The following PHLDB2 variants were observed in gnomAD, a reference collection of about 807,000 sequenced individuals.
PHLDB2 encodes pleckstrin homology-like domain family B member 2.
In PHLDB2, 71 loss-of-function variants were observed where a neutral mutation model predicts 123.6. The ratio of observed to expected loss-of-function variants is 0.57; its 90% CI spans 0.47 to 0.70. The LOEUF (loss-of-function observed/expected upper bound fraction) is 0.70, where lower values mean the gene tolerates loss of function less well. PHLDB2 is among the 30% of genes least tolerant of loss of function. The pLI is 0.00. For synonymous variants in PHLDB2, 547 were observed against 541.6 expected (o/e 1.01, Z -0.14); for missense variants, 1,446 against 1,519.5 (o/e 0.95, Z 0.80).
chr3:111,850,431 T>C (rs972433874), intron 2 of PHLDB2, among the ~76,000 whole-genome samples: 1 of 152,188 alleles, frequency 6.6e-6, no homozygotes, highest in Non-Finnish European at 1.5e-5. Context: ...AATCTACTTG[T>C]ACCTAAAAAG....
intron 1 of PHLDB2, among the ~76,000 whole-genome samples, chr3:111,861,129 GA>G (rs1161543217): frequency 6.6e-6 from 1 of 152,198 alleles, no homozygotes; most frequent in African/African-American, 2.4e-5. Context: ...GTTAGCAACA[GA>G]ACTGTCGGAT....
chr3:111,739,917 T>C (rs2059574979), intron 1 of PHLDB2, among the ~76,000 whole-genome samples: 1 of 152,114 alleles, frequency 6.6e-6, no homozygotes, highest in African/African-American at 2.4e-5. Context: ...GTCCTCAAGA[T>C]GACTAGCAGA....
At chr3:111,953,620 C>G (rs568133874) in intron 11 of PHLDB2, among the ~76,000 whole-genome samples, 19 of 152,164 alleles carry the variant, frequency 1.2e-4, no homozygotes, top group African/African-American at 4.6e-4. Flanking sequence ...TGCATCTGCC[C>G]TCTGCTCCTT....
At chr3:111,822,295 A>ATG (rs35687126) in intron 1 of PHLDB2, among the ~76,000 whole-genome samples, 72,030 of 143,932 alleles carry the variant, frequency 0.5, 18,527 homozygotes, top group Middle Eastern at 0.7. Flanking sequence ...ATCTTTATGT[A>ATG]TGTGTGTGTG....
At chr3:111,948,246 C>CGT (rs561953059) in intron 9 of PHLDB2, among the ~76,000 whole-genome samples, 5,598 of 149,328 alleles carry the variant, frequency 0.037, 167 homozygotes, top group South Asian at 0.14. Context: ...CTTAGGACTC[C>CGT]GTGTGTGTGT....
chr3:111,827,685 CAAAAAAAA>C (rs565813163), intron 1 of PHLDB2, among the ~76,000 whole-genome samples: 6,707 of 73,406 alleles, frequency 0.091, 254 homozygotes, highest in African/African-American at 0.14. Context: ...GAATCCGTCT[CAAAAAAAA>C]AAAAAAAAAA....
intron 9 of PHLDB2, among the ~76,000 whole-genome samples, chr3:111,945,882 A>C (rs1300486260): frequency 1.3e-5 from 2 of 152,086 alleles, no homozygotes; most frequent in Non-Finnish European, 2.9e-5. Flanking sequence ...TTTACAGTAA[A>C]CTGTACATAC....
At chr3:111,855,419 TCC>T (rs2064440259), upstream of PHLDB2, among the ~76,000 whole-genome samples, 1 of 151,450 alleles carries the variant, frequency 6.6e-6, no homozygotes, top group South Asian at 2.1e-4. Context: ...CTTCCTTCCT[TCC>T]TTTCTTTCTT....
chr3:111,835,546 G>A (rs964153289), intron 1 of PHLDB2, among the ~76,000 whole-genome samples: 5 of 152,088 alleles, frequency 3.3e-5, no homozygotes, highest in African/African-American at 9.7e-5. Flanking sequence ...TCCCACTGTC[G>A]ATTGCAGTGT....
rs1173975848 is a variant in PHLDB2, at chr3:111,895,821, C to A, written c.1335+10409C>A. ...CCGAGATCGAGCCATTGCAGTCTGG[C>A]GTGGGCAAAAGAGTGAAACTCAGTC... On this transcript the variant is annotated intron_variant, in intron 2 of 17. Transcript: ENST00000431670. Among the ~76,000 whole-genome samples, 4 of 151,064 alleles carry A rather than the reference C, an allele frequency of 2.6e-5. No homozygotes were observed. In the East Asian group the frequency reaches 7.8e-4, roughly 30 times the overall value.
chr3:111,775,447 C>T (rs745629169), intron 1 of PHLDB2, among the ~76,000 whole-genome samples: 14 of 152,090 alleles, frequency 9.2e-5, no homozygotes, highest in South Asian at 4.1e-4. Context: ...ATGCAGAGCA[C>T]GTATGCTGCA....
chr3:111,955,163 C>A (rs113424645), intron 12 of PHLDB2, among the ~76,000 whole-genome samples: 44,879 of 115,958 alleles, frequency 0.39, 7,531 homozygotes, highest in African/African-American at 0.5. Flanking sequence ...ATATATATCT[C>A]TCACTGGAAC....
At chr3:111,933,686 T>C (rs190415637) in intron 6 of PHLDB2, among the ~76,000 whole-genome samples, 47 of 152,336 alleles carry the variant, frequency 3.1e-4, no homozygotes, top group African/African-American at 1.0e-3. Flanking sequence ...AATTTTATGA[T>C]AAAAATGATT....
intron 1 of PHLDB2, among the ~76,000 whole-genome samples, chr3:111,771,583 C>T (rs567206623): frequency 1.5e-4 from 23 of 152,252 alleles, no homozygotes; most frequent in South Asian, 2.1e-4. Context: ...TCAAGTAGTC[C>T]GCCTGCCTCA....
chr3:111,859,495 A>G lies in PHLDB2; in HGVS notation c.-96A>G. ...ACCATTGCGGCCCGAGGGGGACCCG[A>G]CGGGGGCCCGACGGTGTGGCGTGGC... On this transcript the variant is annotated 5_prime_UTR_variant, in exon 1 of 18. Transcript: ENST00000431670. The G allele has an allele frequency of 1.0e-6, 1 of 985,558 alleles. No individual in the cohort carries two copies. Among genetic ancestry groups the G allele is most frequent in the Non-Finnish European group, 1.2e-6 (1 of 830,030 alleles). 61.1% of individuals were successfully genotyped at this position (985,558 alleles called of 1,614,324 possible). A position where few individuals can be genotyped will look rare whatever the true frequency, so the allele number is the denominator to read the frequency against.
chr3:111,823,395 C>T (rs2062498490), intron 1 of PHLDB2, among the ~76,000 whole-genome samples: 1 of 152,182 alleles, frequency 6.6e-6, no homozygotes, highest in African/African-American at 2.4e-5. Flanking sequence ...AAAAGTTGCA[C>T]CATATCGTAG....
intron 5 of PHLDB2, among the ~76,000 whole-genome samples, chr3:111,926,035 C>A (rs1429239128): frequency 6.6e-6 from 1 of 152,180 alleles, no homozygotes; most frequent in Non-Finnish European, 1.5e-5. Context: ...TCAAACTATC[C>A]TTTTGTTTAA....
intron 15 of PHLDB2, 101 bp downstream of exon 15, chr3:111,967,925 G>A: frequency 3.4e-6 from 3 of 871,406 alleles, no homozygotes; most frequent in Non-Finnish European, 4.7e-6. Context: ...TGGGCACTGA[G>A]CATTAGCACT....
chr3:111,800,216 C>T (rs946232528), intron 1 of PHLDB2, among the ~76,000 whole-genome samples: 14 of 152,188 alleles, frequency 9.2e-5, no homozygotes, highest in East Asian at 1.9e-4. Context: ...CATGTTTCCC[C>T]GGCTAGTGTT....
Sources: allele counts gnomAD v4.1 joint callset (sites outside exome capture counted in the v4.1 genomes callset), GRCh38; gene constraint gnomAD v4.1.1; transcripts MANE v1.5; gene names NCBI Gene and HGNC (gene_info 2026-07-23, HGNC 2026-07-21).